The following PCDH7 variants were observed in gnomAD, a reference collection of about 807,000 sequenced individuals.
PCDH7 encodes protocadherin 7, also known as protocadherin-7.
A neutral mutation model predicts 58.9 loss-of-function variants in PCDH7; 17 were observed. The ratio of observed to expected loss-of-function variants is 0.29; its 90% CI spans 0.20 to 0.43. The LOEUF (loss-of-function observed/expected upper bound fraction) is 0.43. Ranked by LOEUF, PCDH7 falls within the 20% of genes least tolerant of loss-of-function variation. The pLI is 1.00. For synonymous variants in PCDH7, 664 were observed against 616.4 expected, an observed-to-expected ratio of 1.08 and a Z score of -1.14; for missense variants, 1,274 against 1,441.0, an observed-to-expected ratio of 0.88 and a Z score of 1.88.
At chr4:30,843,512 A>T (rs1731507078) in intron 1 of PCDH7, among the ~76,000 whole-genome samples, 1 of 152,206 alleles carries the variant, frequency 6.6e-6, no homozygotes, top group African/African-American at 2.4e-5. Context: ...AGAACTTTAA[A>T]GAAAATAGAC....
At chr4:31,064,756 T>C (rs575205438) in intron 3 of PCDH7, among the ~76,000 whole-genome samples, 1 of 151,902 alleles carries the variant, frequency 6.6e-6, no homozygotes, top group Admixed American at 6.6e-5. Flanking sequence ...TTTAGCTAAT[T>C]ACCTCAGCAA....
intron 3 of PCDH7, among the ~76,000 whole-genome samples, chr4:31,140,674 G>T (rs1294466842): frequency 6.7e-6 from 1 of 150,302 alleles, no homozygotes; most frequent in Non-Finnish European, 1.5e-5. Flanking sequence ...AGAACTTGCA[G>T]TTTGTTCATT....
intron 1 of PCDH7, among the ~76,000 whole-genome samples, chr4:30,859,781 A>G (rs16884199): frequency 0.067 from 10,202 of 152,112 alleles, 480 homozygotes; most frequent in East Asian, 0.14. Flanking sequence ...TAGTTGAGAA[A>G]GGTAAGAATT....
intron 3 of PCDH7, among the ~76,000 whole-genome samples, chr4:31,012,806 C>T (rs1259595027): frequency 6.6e-6 from 1 of 150,412 alleles, no homozygotes; most frequent in Admixed American, 6.6e-5. Context: ...GAGTTCAAGA[C>T]CAGCCTGGGC....
At chr4:31,141,856 C>T (rs543930197) in intron 3 of PCDH7, among the ~76,000 whole-genome samples, 5 of 152,190 alleles carry the variant, frequency 3.3e-5, no homozygotes, top group South Asian at 2.1e-4. Context: ...TGGGCAGGTG[C>T]GTGATATTGC....
At position 30,963,907 on chromosome 4, in the gene PCDH7, A is replaced by G. The variant is rs1469320304; in HGVS notation, c.*7+13692A>G. ...GCAGTCTCAGAGGGGCCATATTTTTACATGGATGAACCATTCCGGGACAAT... is the reference window on the plus strand; with the variant it reads ...GCAGTCTCAGAGGGGCCATATTTTTGCATGGATGAACCATTCCGGGACAAT... On this transcript the variant is annotated intron_variant, in intron 3 of 3. Coordinates refer to the PCDH7 transcript ENST00000509759. 2.0e-5 allele frequency among the ~76,000 whole-genome samples: 3 copies of G among 152,206 alleles called. No homozygotes were observed. The East Asian group carries it at 5.8e-4, about 29-fold the overall frequency.
intron 3 of PCDH7, among the ~76,000 whole-genome samples, chr4:31,028,568 A>G (rs1032034489): frequency 6.6e-6 from 1 of 152,024 alleles, no homozygotes; most frequent in African/African-American, 2.4e-5. Context: ...GGTGGGTTGA[A>G]GTAAGAGGAT....
Position 30,740,683 on chromosome 4 carries a change from G to T in PCDH7, c.70+16087G>T, listed in dbSNP as rs530893239. 6.6e-5 allele frequency among the ~76,000 whole-genome samples: 10 copies of T among 150,880 alleles called. 1 individual carries two copies. In the South Asian group the frequency reaches 1.3e-3, roughly 19 times the overall value. On this transcript the variant is annotated intron_variant, in intron 1 of 3. Transcript: ENST00000509759. The stretch of plus-strand genomic sequence containing the variant: ...AAAAGATACATGTTTTTCTCTTGAG[G>T]TTTTTTTTTAATCTTTCACAATGTT...
chr4:30,722,711 C>G lies in PCDH7; in HGVS notation c.1289C>G (p.Ala430Gly). The change falls in exon 1 of 2, where the codon GCC (alanine) becomes GGC (glycine). Residue 430 changes from alanine (A) to glycine (G), a missense_variant. Coordinates refer to ENST00000361762, the Ensembl canonical transcript of PCDH7. The surrounding 1 kb of genome is among the most constrained non-coding windows in gnomAD (Gnocchi z 7.6). ...CGCATCCCCCTCAAGGACGGGGTGG[C>G]CAACGTGGCCGAGGACGTTCTGGTC... 1 of 1,613,486 alleles carries G rather than the reference C, an allele frequency of 6.2e-7. No homozygotes were observed. Among genetic ancestry groups the G allele is most frequent in the Non-Finnish European group, 8.5e-7 (1 of 1,180,008 alleles).
At chr4:30,850,774 C>A (rs1732628733) in intron 1 of PCDH7, among the ~76,000 whole-genome samples, 1 of 152,080 alleles carries the variant, frequency 6.6e-6, no homozygotes, top group Non-Finnish European at 1.5e-5. Flanking sequence ...TATTCCTAGT[C>A]CCCAGACCTT....
chr4:30,910,858 C>A lies in PCDH7; in HGVS notation c.71-9295C>A, dbSNP rs535957786. 4.5e-4 allele frequency among the ~76,000 whole-genome samples: 68 copies of A among 152,178 alleles called. No homozygotes were observed. In the South Asian group the frequency reaches 8.9e-3, roughly 20 times the overall value. ...ATGCTACTATAAAGACACATGCACA[C>A]GTATGTTTACTGTAACACTATTCAC... On this transcript the variant is annotated intron_variant, in intron 1 of 3. Coordinates refer to the PCDH7 transcript ENST00000509759.
intron 3 of PCDH7, among the ~76,000 whole-genome samples, chr4:30,961,506 C>T (rs1192816674): frequency 2.0e-5 from 3 of 151,518 alleles, no homozygotes; most frequent in Non-Finnish European, 2.9e-5. Context: ...GAGCCGAGAT[C>T]GTGCCACTGC....
At chr4:31,047,153 C>T (rs574151077) in intron 3 of PCDH7, among the ~76,000 whole-genome samples, 1 of 151,912 alleles carries the variant, frequency 6.6e-6, no homozygotes, top group South Asian at 2.1e-4. Context: ...TCTGATTACA[C>T]AAATATCACA....
chr4:30,965,243 T>G (rs1225627163), intron 3 of PCDH7, among the ~76,000 whole-genome samples: 1 of 152,130 alleles, frequency 6.6e-6, no homozygotes, highest in Non-Finnish European at 1.5e-5. Flanking sequence ...TCTATGTAAA[T>G]TTATGTTTAC....
At chr4:31,106,453 G>T (rs540760839) in intron 3 of PCDH7, among the ~76,000 whole-genome samples, 1 of 152,164 alleles carries the variant, frequency 6.6e-6, no homozygotes, top group Admixed American at 6.5e-5. Context: ...CTTGCTATTT[G>T]CATGGCTCTT....
chr4:31,010,202 T>C (rs1219409251), intron 3 of PCDH7, among the ~76,000 whole-genome samples: 4 of 151,940 alleles, frequency 2.6e-5, no homozygotes, highest in Non-Finnish European at 5.9e-5. Context: ...ATGAGCACCA[T>C]ATAAGCATTT....
chr4:30,777,678 C>A (rs1722250694), intron 1 of PCDH7, among the ~76,000 whole-genome samples: 1 of 152,124 alleles, frequency 6.6e-6, no homozygotes, highest in Admixed American at 6.5e-5. Context: ...TTCCCACTCA[C>A]CTTTAGTAAG....
intron 1 of PCDH7, among the ~76,000 whole-genome samples, chr4:30,914,301 G>C (rs1742139782): frequency 6.6e-6 from 1 of 152,158 alleles, no homozygotes; most frequent in South Asian, 2.1e-4. Flanking sequence ...TCTGGGTTTT[G>C]CCTTTGAATA....
chr4:30,867,329 A>T (rs1021485427), intron 1 of PCDH7, among the ~76,000 whole-genome samples: 1 of 152,088 alleles, frequency 6.6e-6, no homozygotes, highest in African/African-American at 2.4e-5. Flanking sequence ...CCCTCACAGA[A>T]ATTGTTGGAA....
Sources: gnomAD v4.1 joint callset for allele counts (sites outside exome capture counted in the v4.1 genomes callset) on GRCh38, gnomAD v4.1.1 for gene constraint, Gnocchi (gnomAD v3.1) non-coding constraint, MANE v1.5 for transcripts, NCBI Gene and HGNC (gene_info 2026-07-23, HGNC 2026-07-21) for gene names.